Variants in ARHGAP44 observed in about 807,000 individuals in gnomAD.
The protein encoded by ARHGAP44 is rho GTPase-activating protein 44.
Under a neutral mutation model 106.8 loss-of-function variants are expected in ARHGAP44, and 43 were observed. The observed-to-expected ratio is 0.40, with a 90% CI of 0.32 to 0.52. The LOEUF (loss-of-function observed/expected upper bound fraction) is 0.52. Ranked by LOEUF, ARHGAP44 falls within the 20% of genes least tolerant of loss-of-function variation. ARHGAP44 has a pLI of 0.48. For synonymous variants in ARHGAP44, 439 were observed against 410.3 expected (o/e 1.07, Z -0.85); for missense variants, 866 against 1,050.5 (o/e 0.82, Z 2.43).
intron 6 of ARHGAP44, among the ~76,000 whole-genome samples, chr17:12,921,074 A>G (rs1567688124): frequency 2.0e-5 from 3 of 151,972 alleles, no homozygotes; most frequent in East Asian, 3.9e-4. Flanking sequence ...TTATTTATTT[A>G]TTTATTTTTG....
chr17:12,792,078 T>C (rs1315742314), intron 1 of ARHGAP44, among the ~76,000 whole-genome samples: 1 of 152,230 alleles, frequency 6.6e-6, no homozygotes, highest in Non-Finnish European at 1.5e-5. Flanking sequence ...TTCACATTCA[T>C]GGAGCTCTAG....
At chr17:12,925,835 G>A (rs2038214848) in intron 6 of ARHGAP44, among the ~76,000 whole-genome samples, 1 of 152,144 alleles carries the variant, frequency 6.6e-6, no homozygotes, top group South Asian at 2.1e-4. Context: ...GTAGAACAGA[G>A]GTCTGAAAAG....
At chr17:12,807,278 C>T (rs1224772999) in intron 1 of ARHGAP44, among the ~76,000 whole-genome samples, 1 of 152,124 alleles carries the variant, frequency 6.6e-6, no homozygotes, top group Admixed American at 6.5e-5. Context: ...TGTGAATTGC[C>T]ATTGTTATTA....
chr17:12,812,933 A>G (rs1038422592), intron 1 of ARHGAP44, among the ~76,000 whole-genome samples: 1 of 152,184 alleles, frequency 6.6e-6, no homozygotes, highest in Non-Finnish European at 1.5e-5. Context: ...AAAAGTCTCT[A>G]CTTATCTGGA....
intron 1 of ARHGAP44, among the ~76,000 whole-genome samples, chr17:12,802,782 G>A (rs1474967360): frequency 2.7e-5 from 3 of 110,252 alleles, no homozygotes; most frequent in African/African-American, 3.5e-5. Context: ...TTTTTGATAC[G>A]AAGTCTCCCT....
intron 1 of ARHGAP44, among the ~76,000 whole-genome samples, chr17:12,872,895 T>C (rs934006974): frequency 6.6e-6 from 1 of 152,222 alleles, no homozygotes; most frequent in Non-Finnish European, 1.5e-5. Context: ...TTTTGGTTTT[T>C]AGTAAGTTTT....
chr17:12,792,637 C>G (rs2033800627), intron 1 of ARHGAP44, among the ~76,000 whole-genome samples: 1 of 152,152 alleles, frequency 6.6e-6, no homozygotes, highest in Non-Finnish European at 1.5e-5. Context: ...AGTTATAAAG[C>G]ACTTGATTTT....
intron 1 of ARHGAP44, among the ~76,000 whole-genome samples, chr17:12,843,301 C>T (rs2035470744): frequency 1.3e-5 from 2 of 152,158 alleles, no homozygotes; most frequent in Admixed American, 1.3e-4. Context: ...TACCTAGCTA[C>T]CTTAATTGAC....
At chr17:12,829,398 A>G (rs1164857185) in intron 1 of ARHGAP44, among the ~76,000 whole-genome samples, 1 of 151,940 alleles carries the variant, frequency 6.6e-6, no homozygotes, top group African/African-American at 2.4e-5. Context: ...CAGCCCTCCT[A>G]TTTTTGGCTT....
Position 12,820,493 on chromosome 17 carries a change from C to T in ARHGAP44, c.53+30602C>T, listed in dbSNP as rs143955065. Among the ~76,000 whole-genome samples, 270 of 152,158 alleles carry T rather than the reference C, an allele frequency of 1.8e-3. 1 individual carries two copies. Among genetic ancestry groups the T allele is most frequent in the African/African-American group, 6.0e-3 (248 of 41,516 alleles). ...GTTAAGATGTATTTCTAGGTCATGA[C>T]CTGGAAAATGGAGTTGATAAGCTGT... On this transcript the variant is annotated intron_variant, in intron 1 of 20. Transcript: ENST00000379672.
chr17:12,985,204 A>T, intron 20 of ARHGAP44: 2 of 348,600 alleles, frequency 5.7e-6, no homozygotes, highest in Non-Finnish European at 1.0e-5. Context: ...AGTCATTTGG[A>T]GTGGGGCCTC....
At chr17:12,960,738 A>T (rs938297918) in intron 16 of ARHGAP44, among the ~76,000 whole-genome samples, 2 of 151,642 alleles carry the variant, frequency 1.3e-5, no homozygotes, top group Admixed American at 6.6e-5. Flanking sequence ...TAATTTTTGT[A>T]TTTTTAGTAG....
In ARHGAP44 at chr17:12,883,976, C is replaced by T. The variant is rs576240505; in HGVS notation, c.54-10964C>T. Among the ~76,000 whole-genome samples, 21 of 152,260 alleles carry T rather than the reference C, an allele frequency of 1.4e-4. No individual in the cohort carries two copies. The South Asian group carries it at 4.4e-3, about 32-fold the overall frequency. ...ATTGTGTGATTCGTATCAGGTACCACCAAATTCAGAATTCTCGTAACTTCT... is the reference window on the plus strand; with the variant it reads ...ATTGTGTGATTCGTATCAGGTACCATCAAATTCAGAATTCTCGTAACTTCT... On this transcript the variant is annotated intron_variant, in intron 1 of 20. Transcript: ENST00000379672.
Position 12,789,665 on chromosome 17 carries a change from A to AGGC in ARHGAP44, c.-166_-164dup, listed in dbSNP as rs2033668011. ...CAGGAGGCGGCGCGGCGGGAGGAGT[A>AGGC]GGCGGCGGCGCCCTCGGGAGGGAGC... On this transcript the variant is annotated 5_prime_UTR_variant, in exon 1 of 21. Coordinates refer to ENST00000379672, the MANE Select transcript of ARHGAP44 (RefSeq NM_014859.6). The AGGC allele has an allele frequency of 5.0e-6, 2 of 396,984 alleles. No individual in the cohort carries two copies. Among genetic ancestry groups the AGGC allele is most frequent in the South Asian group, 2.4e-4 (2 of 8,450 alleles). 24.6% of individuals were successfully genotyped at this position (396,984 alleles called of 1,614,324 possible). A position where few individuals can be genotyped will look rare whatever the true frequency, so the allele number is the denominator to read the frequency against.
chr17:12,982,383 G>A (rs902773650), intron 19 of ARHGAP44, among the ~76,000 whole-genome samples: 2 of 148,766 alleles, frequency 1.3e-5, no homozygotes, highest in Non-Finnish European at 3.0e-5. Flanking sequence ...TCCTATTCCT[G>A]TCACCACCGG....
At chr17:12,891,561 C>T (rs1378852468) in intron 1 of ARHGAP44, among the ~76,000 whole-genome samples, 3 of 152,182 alleles carry the variant, frequency 2.0e-5, no homozygotes, top group Non-Finnish European at 4.4e-5. Flanking sequence ...TGTCCCCTTA[C>T]CCATATACCT....
intron 16 of ARHGAP44, among the ~76,000 whole-genome samples, chr17:12,969,569 G>A (rs2039476001): frequency 6.6e-6 from 1 of 152,178 alleles, no homozygotes; most frequent in African/African-American, 2.4e-5. Flanking sequence ...TCAAAGCCCT[G>A]CTGTCCTGAG....
At chr17:12,945,223 T>C (rs75157233) in intron 10 of ARHGAP44, among the ~76,000 whole-genome samples, 1 of 151,748 alleles carries the variant, frequency 6.6e-6, no homozygotes, top group Non-Finnish European at 1.5e-5. Context: ...TTGGCCAGGC[T>C]AGTCTTGAAC....
rs150941644 is a variant in ARHGAP44, at chr17:12,811,595, C to G, written c.53+21704C>G. Among the ~76,000 whole-genome samples, 57 of 152,200 alleles carry G rather than the reference C, an allele frequency of 3.7e-4. No individual in the cohort carries two copies. The East Asian group carries it at 0.011, about 28-fold the overall frequency. Reference sequence around the variant, plus strand: ...GTTCCAGCCTGTGTTGTTCAAAGGCCAACTGTATATACGTCTGAAATGGGG... The same window carrying G: ...GTTCCAGCCTGTGTTGTTCAAAGGCGAACTGTATATACGTCTGAAATGGGG... On this transcript the variant is annotated intron_variant, in intron 1 of 20. Coordinates refer to ENST00000379672, the MANE Select transcript of ARHGAP44 (RefSeq NM_014859.6).
Sources: allele counts gnomAD v4.1 joint callset (sites outside exome capture counted in the v4.1 genomes callset), GRCh38; gene constraint gnomAD v4.1.1; transcripts MANE v1.5; gene names NCBI Gene and HGNC (gene_info 2026-07-23, HGNC 2026-07-21).